Variants in GXYLT1 observed in about 807,000 individuals in gnomAD.
The protein encoded by GXYLT1 is glucoside xylosyltransferase 1.
Under a neutral mutation model 54.0 loss-of-function variants are expected in GXYLT1, and 29 were observed. The observed-to-expected ratio is 0.54, with a 90% CI of 0.40 to 0.73. The LOEUF (loss-of-function observed/expected upper bound fraction) is 0.73. Among genes scored for constraint, GXYLT1 ranks in the 30% least tolerant of loss-of-function variants. The pLI, the probability that GXYLT1 is intolerant of heterozygous loss-of-function variation, is 0.00. For missense variants in GXYLT1, 490 were observed against 553.4 expected (o/e 0.89, Z 1.15); for synonymous variants, 176 against 204.1 (o/e 0.86, Z 1.17).
rs933762363 is a variant in GXYLT1, at chr12:42,098,102, T to G, written c.865-69A>C. On this transcript the variant is annotated intron_variant, in intron 5 of 7. Coordinates refer to ENST00000398675, the MANE Select transcript of GXYLT1 (RefSeq NM_173601.2). ...AAAATGGCAGCATGATGACAGTTCC[T>G]CATTCTTCCCACAGCAACCATTACA... is the stretch of plus-strand genomic sequence containing the variant. The G allele has an allele frequency of 7.0e-5, 99 of 1,417,190 alleles. 1 individual carries two copies. In the East Asian group the frequency reaches 9.6e-4, roughly 14 times the overall value. The allele number at this position is 1,417,190 out of a possible 1,614,324, so 87.8% of individuals were successfully genotyped here. A position where few individuals can be genotyped will look rare whatever the true frequency, so the allele number is the denominator to read the frequency against.
At chr12:42,143,869 T>A (rs73125402) in intron 1 of GXYLT1, among the ~76,000 whole-genome samples, 2,553 of 152,232 alleles carry the variant, frequency 0.017, 44 homozygotes, top group Non-Finnish European at 0.023. Flanking sequence ...ATAAACTGAG[T>A]GTTTCCAAAA....
intron 7 of GXYLT1, among the ~76,000 whole-genome samples, chr12:42,092,284 T>G (rs1044096276): frequency 6.6e-6 from 1 of 152,250 alleles, no homozygotes; most frequent in Non-Finnish European, 1.5e-5. Context: ...TTATTTGCTT[T>G]GTTTCCACCC....
rs2065293691 is a variant in GXYLT1 at position 42,086,431 on chromosome 12, G to A, written c.*1355C>T. ...AAGCTAACTGCCACAATTTTCACAG[G>A]TTGTATTTTTCCTTCATGATTTTCC... On this transcript the variant is annotated 3_prime_UTR_variant, in exon 8 of 8. Coordinates refer to ENST00000398675, the MANE Select transcript of GXYLT1 (RefSeq NM_173601.2). 6.6e-6 allele frequency: 1 copy of A among 152,156 alleles called. No homozygotes were observed. Among genetic ancestry groups the A allele is most frequent in the Non-Finnish European group, 1.5e-5 (1 of 68,046 alleles). The allele number at this position is 152,156 out of a possible 1,614,324, so 9.4% of individuals were successfully genotyped here. A position where few individuals can be genotyped will look rare whatever the true frequency, so the allele number is the denominator to read the frequency against.
rs2136861820 is a variant in GXYLT1 at position 42,083,409 on chromosome 12, T to C, written c.*4377A>G. 1 of 152,372 alleles carries C rather than the reference T, an allele frequency of 6.6e-6. No homozygotes were observed. The highest frequency in any genetic ancestry group is 2.4e-5 in the African/African-American group (1 of 41,596). 9.4% of individuals were successfully genotyped at this position (152,372 alleles called of 1,614,324 possible). A position where few individuals can be genotyped will look rare whatever the true frequency, so the allele number is the denominator to read the frequency against. ...AAATATTAAAATGCAATAAGGCAAT[T>C]ATTGTTTTTAAGACACTTGAAATTG... On this transcript the variant is annotated 3_prime_UTR_variant, in exon 8 of 8. Coordinates refer to ENST00000398675, the MANE Select transcript of GXYLT1 (RefSeq NM_173601.2).
intron 3 of GXYLT1, among the ~76,000 whole-genome samples, chr12:42,113,097 C>T (rs1234385879): frequency 6.6e-6 from 1 of 150,972 alleles, no homozygotes; most frequent in African/African-American, 2.5e-5. Context: ...ATTTTGTCAC[C>T]ACCAGGCCTG....
chr12:42,111,142 T>A (rs1424187652), intron 3 of GXYLT1, among the ~76,000 whole-genome samples: 1 of 152,130 alleles, frequency 6.6e-6, no homozygotes, highest in African/African-American at 2.4e-5. Flanking sequence ...TAAAAAACAA[T>A]CCAGGGAGGA....
At chr12:42,122,950 T>A (rs2065539583) in intron 2 of GXYLT1, among the ~76,000 whole-genome samples, 1 of 151,988 alleles carries the variant, frequency 6.6e-6, no homozygotes. Flanking sequence ...GAACACAATA[T>A]CCCATGCAGT....
chr12:42,095,307 T>C (rs778667177), intron 7 of GXYLT1, among the ~76,000 whole-genome samples: 8 of 152,122 alleles, frequency 5.3e-5, no homozygotes, highest in East Asian at 1.9e-4. Flanking sequence ...CAAATATATA[T>C]ATATGACACA....
chr12:42,120,467 C>A (rs1272820637), intron 2 of GXYLT1, among the ~76,000 whole-genome samples: 3 of 152,116 alleles, frequency 2.0e-5, no homozygotes, highest in Non-Finnish European at 4.4e-5. Flanking sequence ...CTTTTAATAC[C>A]TCTTGCTTCT....
intron 2 of GXYLT1, among the ~76,000 whole-genome samples, chr12:42,127,786 G>GT (rs1239719633): frequency 9.2e-5 from 14 of 152,118 alleles, no homozygotes; most frequent in Non-Finnish European, 1.6e-4. Flanking sequence ...GCAAATATTC[G>GT]TAAGAATGAA....
intron 4 of GXYLT1, among the ~76,000 whole-genome samples, chr12:42,108,183 T>C (rs1419099024): frequency 1.3e-5 from 2 of 152,242 alleles, no homozygotes; most frequent in Admixed American, 6.5e-5. Context: ...TTAAATGATC[T>C]GGCAAATTTC....
At chr12:42,139,191 T>C (rs2065638068) in intron 1 of GXYLT1, among the ~76,000 whole-genome samples, 2 of 152,066 alleles carry the variant, frequency 1.3e-5, no homozygotes, top group South Asian at 2.1e-4. Context: ...GAGTGAAACC[T>C]TGTCTCAGAA....
intron 7 of GXYLT1, among the ~76,000 whole-genome samples, chr12:42,092,305 A>G (rs2065333427): frequency 6.6e-6 from 1 of 152,220 alleles, no homozygotes; most frequent in Admixed American, 6.5e-5. Flanking sequence ...ACGTAAGATT[A>G]AACAGTGTAG....
intron 3 of GXYLT1, among the ~76,000 whole-genome samples, chr12:42,118,171 C>G (rs150375330): frequency 2.6e-5 from 4 of 152,240 alleles, no homozygotes; most frequent in African/African-American, 9.6e-5. Flanking sequence ...CCACTGCTGC[C>G]AAATTGATTT....
chr12:42,095,718 CT>C (rs34583181), intron 7 of GXYLT1, among the ~76,000 whole-genome samples: 21,633 of 151,988 alleles, frequency 0.14, 1,658 homozygotes, highest in Non-Finnish European at 0.18. Flanking sequence ...TAATATCCCC[CT>C]ATCAAAAAAT....
rs146393171 is a variant in GXYLT1 at position 42,126,959 on chromosome 12, T to C, written c.314+2800A>G. On this transcript the variant is annotated intron_variant, in intron 2 of 7. Coordinates refer to ENST00000398675, the MANE Select transcript of GXYLT1 (RefSeq NM_173601.2). The stretch of plus-strand genomic sequence containing the variant: ...TAAAAGCATATGATGATATGAATGA[T>C]GAAAACACTTGTAATAGGAGTTGAG... Among the ~76,000 whole-genome samples the C allele has an allele frequency of 2.8e-3, 428 of 152,212 alleles. 1 individual carries two copies. Among genetic ancestry groups the C allele is most frequent in the African/African-American group, 9.2e-3 (381 of 41,544 alleles).
At chr12:42,117,237 C>G (rs1418557078) in intron 3 of GXYLT1, among the ~76,000 whole-genome samples, 1 of 151,362 alleles carries the variant, frequency 6.6e-6, no homozygotes, top group Non-Finnish European at 1.5e-5. Context: ...ATGTAACAAA[C>G]CTGCACATCA....
chr12:42,125,939 A>T (rs2065558532), intron 2 of GXYLT1, among the ~76,000 whole-genome samples: 1 of 151,940 alleles, frequency 6.6e-6, no homozygotes, highest in Admixed American at 6.6e-5. Flanking sequence ...AGGCAGGAGG[A>T]TCACTTGAGC....
chr12:42,132,971 C>T (rs550546766), intron 1 of GXYLT1, among the ~76,000 whole-genome samples: 3 of 152,242 alleles, frequency 2.0e-5, no homozygotes, highest in East Asian at 1.9e-4. Context: ...GATGATCACA[C>T]ATCTGACACT....
Sources: gnomAD v4.1 joint callset for allele counts (sites outside exome capture counted in the v4.1 genomes callset) on GRCh38, gnomAD v4.1.1 for gene constraint, MANE v1.5 for transcripts, NCBI Gene and HGNC (gene_info 2026-07-23, HGNC 2026-07-21) for gene names.